Variants in SUSD6 observed in about 807,000 individuals in gnomAD.
The protein encoded by SUSD6 is sushi domain-containing protein 6.
Under a neutral mutation model 28.4 loss-of-function variants are expected in SUSD6, and 16 were observed. The observed-to-expected ratio is 0.56, with a 90% CI of 0.38 to 0.86. The LOEUF is 0.86. Among genes scored for constraint, SUSD6 ranks in the 40% least tolerant of loss-of-function variants. The probability of loss-of-function intolerance (pLI) is 0.00; values close to 1 mark genes in which losing one functional copy is unlikely to be tolerated. For missense variants in SUSD6, 341 were observed against 384.2 expected, an observed-to-expected ratio of 0.89 and a Z score of 0.94; for synonymous variants, 147 against 159.6, an observed-to-expected ratio of 0.92 and a Z score of 0.59.
chr14:69,638,794 G>A (rs1885303648), intron 1 of SUSD6, among the ~76,000 whole-genome samples: 1 of 151,878 alleles, frequency 6.6e-6, no homozygotes, highest in Non-Finnish European at 1.5e-5. Context: ...CCTAGGGAAG[G>A]CAAGACAGGG....
At chr14:69,683,704 G>A (rs142651777) in intron 2 of SUSD6, among the ~76,000 whole-genome samples, 33 of 152,344 alleles carry the variant, frequency 2.2e-4, no homozygotes, top group African/African-American at 7.0e-4. Context: ...GCCAGCAGAA[G>A]CATTTAGACT....
chr14:69,703,740 T>G, intron 3 of SUSD6, 148 bp downstream of exon 3: 2 of 697,350 alleles, frequency 2.9e-6, no homozygotes, highest in Non-Finnish European at 2.4e-6. Context: ...CCTTGGGTCT[T>G]CATGTCTTTG....
chr14:69,682,528 TA>T (rs1367672853), intron 2 of SUSD6, among the ~76,000 whole-genome samples: 1 of 152,126 alleles, frequency 6.6e-6, no homozygotes, highest in African/African-American at 2.4e-5. Context: ...AATACAAATT[TA>T]AAACTCTCCC....
At chr14:69,635,804 C>T (rs1369677474) in intron 1 of SUSD6, among the ~76,000 whole-genome samples, 1 of 152,258 alleles carries the variant, frequency 6.6e-6, no homozygotes, top group Non-Finnish European at 1.5e-5. Context: ...ATATCCATGT[C>T]TAGGGCCCTG....
intron 2 of SUSD6, among the ~76,000 whole-genome samples, chr14:69,672,642 T>A (rs931172556): frequency 1.3e-5 from 2 of 152,218 alleles, no homozygotes; most frequent in African/African-American, 4.8e-5. Context: ...TACCAGGAAG[T>A]GTCAGGGGGA....
At chr14:69,620,270 A>G (rs1438879786) in intron 1 of SUSD6, among the ~76,000 whole-genome samples, 1 of 152,168 alleles carries the variant, frequency 6.6e-6, no homozygotes, top group Non-Finnish European at 1.5e-5. Context: ...ATAAGAATTC[A>G]TCGATCCATC....
At chr14:69,649,072 C>T (rs1162531837) in intron 1 of SUSD6, among the ~76,000 whole-genome samples, 4 of 152,104 alleles carry the variant, frequency 2.6e-5, no homozygotes, top group Non-Finnish European at 5.9e-5. Context: ...TTCCTGTGTC[C>T]TCTGTGTTCT....
chr14:69,659,643 G>T (rs982089673), intron 2 of SUSD6, among the ~76,000 whole-genome samples: 3 of 152,068 alleles, frequency 2.0e-5, no homozygotes, highest in Non-Finnish European at 4.4e-5. Context: ...TCAGCCTCCC[G>T]AGTAGCTGGG....
chr14:69,667,354 T>G (rs1442373876), intron 2 of SUSD6, among the ~76,000 whole-genome samples: 1 of 150,484 alleles, frequency 6.6e-6, no homozygotes, highest in African/African-American at 2.4e-5. Context: ...TAACTGTGCA[T>G]GGTTGCTCAC....
intron 5 of SUSD6, among the ~76,000 whole-genome samples, chr14:69,709,386 T>A (rs909416306): frequency 1.3e-5 from 2 of 152,116 alleles, no homozygotes; most frequent in Non-Finnish European, 2.9e-5. Flanking sequence ...GACAGCTTGC[T>A]GGAGTTGGGG....
intron 4 of SUSD6, among the ~76,000 whole-genome samples, chr14:69,707,921 C>T (rs1886408033): frequency 6.6e-6 from 1 of 152,106 alleles, no homozygotes; most frequent in Non-Finnish European, 1.5e-5. Context: ...GATTTTGGGA[C>T]AGGTGCAAAG....
chr14:69,704,772 C>A, intron 4 of SUSD6, 30 bp downstream of exon 4: 1 of 1,608,568 alleles, frequency 6.2e-7, no homozygotes, highest in Non-Finnish European at 8.5e-7. Flanking sequence ...TGACATGAGA[C>A]AGGCAGGTGC....
At chr14:69,627,715 C>T (rs1052522958) in intron 1 of SUSD6, among the ~76,000 whole-genome samples, 1 of 152,142 alleles carries the variant, frequency 6.6e-6, no homozygotes. Context: ...CCGCCTGCCT[C>T]GGCCTCCCAA....
At chr14:69,707,355 A>T (rs927607558) in intron 4 of SUSD6, among the ~76,000 whole-genome samples, 4 of 152,236 alleles carry the variant, frequency 2.6e-5, no homozygotes, top group African/African-American at 9.6e-5. Context: ...GATCCCCAAA[A>T]AAGATATCCG....
chr14:69,620,378 G>A (rs1252600454), intron 1 of SUSD6, among the ~76,000 whole-genome samples: 2 of 152,208 alleles, frequency 1.3e-5, no homozygotes, highest in Non-Finnish European at 2.9e-5. Flanking sequence ...GGTGGTTGCT[G>A]CAGAAACCAA....
intron 1 of SUSD6, among the ~76,000 whole-genome samples, chr14:69,651,339 T>G (rs1056290693): frequency 1.3e-5 from 2 of 152,124 alleles, no homozygotes; most frequent in Admixed American, 6.5e-5. Context: ...ATGTGAGCAA[T>G]TCTGGGGGTG....
intron 2 of SUSD6, among the ~76,000 whole-genome samples, chr14:69,676,433 T>C (rs1332681447): frequency 6.6e-6 from 1 of 151,282 alleles, no homozygotes; most frequent in African/African-American, 2.4e-5. Context: ...CAGATTGGAG[T>C]GTGGTGGGTA....
chr14:69,711,192 G>A lies in SUSD6; in HGVS notation c.*213G>A. The A allele has an allele frequency of 1.7e-6, 1 of 585,724 alleles. No individual in the cohort carries two copies. The highest frequency in any genetic ancestry group is 3.0e-6 in the Non-Finnish European group (1 of 328,252). The allele number at this position is 585,724 out of a possible 1,614,324, so 36.3% of individuals were successfully genotyped here. On this transcript the variant is annotated 3_prime_UTR_variant, in exon 6 of 6. Transcript: ENST00000342745. ...TGCCTGTTGGACAGCTGGAGGAGCT[G>A]GCTCTTTGCCTGGCCCCGCCTTCCC... is the stretch of plus-strand genomic sequence containing the variant.
chr14:69,620,523 C>T (rs1340629607), intron 1 of SUSD6, among the ~76,000 whole-genome samples: 5 of 152,182 alleles, frequency 3.3e-5, no homozygotes, highest in African/African-American at 1.2e-4. Context: ...GGAATACTCA[C>T]GAGGTTTTTA....
Sources: allele counts gnomAD v4.1 joint callset (sites outside exome capture counted in the v4.1 genomes callset), GRCh38; gene constraint gnomAD v4.1.1; transcripts MANE v1.5; gene names NCBI Gene and HGNC (gene_info 2026-07-23, HGNC 2026-07-21).